The following MCPH1 variants were observed in gnomAD, a reference collection of about 807,000 sequenced individuals.
MCPH1 encodes microcephalin 1, also known as microcephalin.
Under a neutral mutation model 84.5 loss-of-function variants are expected in MCPH1, and 104 were observed. The ratio of observed to expected loss-of-function variants is 1.23; its 90% CI spans 1.05 to 1.45. The LOEUF (loss-of-function observed/expected upper bound fraction) is 1.45. Ranked by LOEUF, MCPH1 falls within the 40% of genes most tolerant of loss-of-function variation. MCPH1 has a pLI of 0.00. For synonymous variants in MCPH1, 514 were observed against 366.8 expected (o/e 1.40, Z -4.58); for missense variants, 1,498 against 1,005.7 (o/e 1.49, Z -6.62).
At chr8:6,487,600 C>G (rs781212537) in intron 11 of MCPH1, among the ~76,000 whole-genome samples, 53 of 152,196 alleles carry the variant, frequency 3.5e-4, no homozygotes, top group Admixed American at 2.4e-3. Flanking sequence ...TAGGAAGAAT[C>G]TTCAGGGACA....
At chr8:6,480,081 G>A (rs938922179) in intron 10 of MCPH1, among the ~76,000 whole-genome samples, 1 of 151,712 alleles carries the variant, frequency 6.6e-6, no homozygotes, top group Non-Finnish European at 1.5e-5. Flanking sequence ...GAAGAGTGTT[G>A]GTCTGATGTC....
intron 3 of MCPH1, 89 bp from the exon 4 acceptor site, chr8:6,431,410 T>TAC: frequency 1.0e-6 from 1 of 955,440 alleles, no homozygotes; most frequent in Non-Finnish European, 1.7e-6. Flanking sequence ...ATGGATTTCT[T>TAC]AAATTGCTAA....
At chr8:6,529,118 A>G (rs916436585) in intron 12 of MCPH1, among the ~76,000 whole-genome samples, 2 of 152,248 alleles carry the variant, frequency 1.3e-5, no homozygotes, top group Admixed American at 1.3e-4. Flanking sequence ...TGATTGGCCC[A>G]GTAGTAATTG....
At chr8:6,502,724 T>C (rs1812434028) in intron 12 of MCPH1, 1 of 217,324 alleles carries the variant, frequency 4.6e-6, no homozygotes, top group Non-Finnish European at 9.1e-6. Context: ...AGAATGCAGT[T>C]CCAAGATGAT....
At chr8:6,513,639 C>G (rs1815649135) in intron 12 of MCPH1, 1 of 1,579,442 alleles carries the variant, frequency 6.3e-7, no homozygotes, top group Admixed American at 1.8e-5. Flanking sequence ...GGCCACAAAT[C>G]TTTTAATTTT....
At chr8:6,592,613 T>TC (rs1828560020) in intron 12 of MCPH1, among the ~76,000 whole-genome samples, 1 of 101,442 alleles carries the variant, frequency 9.9e-6, no homozygotes, top group Non-Finnish European at 1.9e-5. Flanking sequence ...CGTTTTTCTT[T>TC]CTTTTTTTTG....
chr8:6,444,823 G>T lies in MCPH1; in HGVS notation c.1101G>T (p.Pro367=), dbSNP rs201084851. The part of the protein sequence containing the change: ...KRVSHGSHSP[P]KEKCKRKRST... Reference sequence around the variant, plus strand: ...TATCACATGGCTCCCATTCACCTCCGAAGGAAAAATGCAAGAGAAAGAGGA... The same window carrying T: ...TATCACATGGCTCCCATTCACCTCCTAAGGAAAAATGCAAGAGAAAGAGGA... The change falls in exon 8 of 14, where the codon CCG becomes CCT. Residue 367 remains proline, a synonymous_variant. Coordinates refer to ENST00000344683, the MANE Select transcript of MCPH1 (RefSeq NM_024596.5). The T allele has an allele frequency of 1.2e-6, 2 of 1,614,088 alleles. No individual in the cohort carries two copies. The highest frequency in any genetic ancestry group is 1.7e-5 in the Admixed American group (1 of 60,012).
intron 13 of MCPH1, among the ~76,000 whole-genome samples, chr8:6,632,450 C>G (rs756222967): frequency 6.6e-6 from 1 of 152,174 alleles, no homozygotes; most frequent in African/African-American, 2.4e-5. Flanking sequence ...CTATTCACCT[C>G]ATTTTACAAG....
chr8:6,543,680 G>C (rs1379081086), intron 12 of MCPH1, among the ~76,000 whole-genome samples: 1 of 152,060 alleles, frequency 6.6e-6, no homozygotes, highest in Non-Finnish European at 1.5e-5. Context: ...GCTGAAGTTC[G>C]TGCTTTTCTG....
In MCPH1 at chr8:6,588,205, C is replaced by T. The variant is rs1444478359; in HGVS notation, c.2215-33249C>T. Among the ~76,000 whole-genome samples, 3 of 152,160 alleles carry T rather than the reference C, an allele frequency of 2.0e-5. No homozygotes were observed. The East Asian group carries it at 5.8e-4, about 29-fold the overall frequency. On this transcript the variant is annotated intron_variant, in intron 12 of 13. Coordinates refer to ENST00000344683, the MANE Select transcript of MCPH1 (RefSeq NM_024596.5). ...CTGTGCCTCCTGTCCCCTCCACCTTCTCCTAGTCCAGGAAGGGAATAGCAG... is the reference window on the plus strand; with the variant it reads ...CTGTGCCTCCTGTCCCCTCCACCTTTTCCTAGTCCAGGAAGGGAATAGCAG...
At chr8:6,543,108 C>T (rs1326629575) in intron 12 of MCPH1, among the ~76,000 whole-genome samples, 2 of 152,160 alleles carry the variant, frequency 1.3e-5, no homozygotes, top group East Asian at 1.9e-4. Context: ...CGCAACTCCA[C>T]CCCCAGCCAA....
chr8:6,636,792 C>G (rs1051103214), intron 13 of MCPH1, among the ~76,000 whole-genome samples: 3 of 152,122 alleles, frequency 2.0e-5, no homozygotes, highest in Non-Finnish European at 2.9e-5. Context: ...TCCAAAAATG[C>G]CACCCACCAC....
chr8:6,444,312 T>A (rs1465537894), intron 7 of MCPH1, 81 bp from the exon 8 acceptor site: 2 of 1,525,926 alleles, frequency 1.3e-6, no homozygotes, highest in African/African-American at 2.8e-5. Context: ...CTTTAAAAGT[T>A]GTTTTATTGG....
chr8:6,592,396 C>T (rs990254408), intron 12 of MCPH1, among the ~76,000 whole-genome samples: 1 of 152,030 alleles, frequency 6.6e-6, no homozygotes, highest in Non-Finnish European at 1.5e-5. Flanking sequence ...ATCCTCCCAC[C>T]TTGGCCAATT....
intron 10 of MCPH1, among the ~76,000 whole-genome samples, chr8:6,478,993 G>C (rs1446440766): frequency 6.6e-6 from 1 of 152,204 alleles, no homozygotes; most frequent in Non-Finnish European, 1.5e-5. Context: ...GGCTGGGTGT[G>C]TTGGTTCACG....
intron 12 of MCPH1, among the ~76,000 whole-genome samples, chr8:6,545,301 A>G (rs768134074): frequency 3.3e-5 from 5 of 152,192 alleles, no homozygotes; most frequent in Non-Finnish European, 7.3e-5. Context: ...AAAAGTTATC[A>G]AGCTGTAAAT....
rs904388429 is a variant in MCPH1, at chr8:6,621,773, C to T, written c.2452+82C>T. ...CAGGGAGGGCGGCGTCAGGCTCACA[C>T]CCCCTTCCACGCAGCTGGGGCACCT... On this transcript the variant is annotated intron_variant, in intron 13 of 13. Coordinates refer to ENST00000344683, the MANE Select transcript of MCPH1 (RefSeq NM_024596.5). 6 of 1,580,776 alleles carry T rather than the reference C, an allele frequency of 3.8e-6. No individual in the cohort carries two copies. The African/African-American group carries it at 8.1e-5, about 21-fold the overall frequency.
At chr8:6,516,012 C>T (rs1221869656) in intron 12 of MCPH1, among the ~76,000 whole-genome samples, 1 of 152,194 alleles carries the variant, frequency 6.6e-6, no homozygotes, top group African/African-American at 2.4e-5. Context: ...ACAGCCTGGT[C>T]TGCAGGGGAC....
intron 11 of MCPH1, among the ~76,000 whole-genome samples, chr8:6,498,801 C>T (rs1316966279): frequency 1.3e-5 from 2 of 152,094 alleles, no homozygotes; most frequent in Non-Finnish European, 2.9e-5. Flanking sequence ...CCTTAAATAA[C>T]ATGCATTGAG....
Sources: allele counts gnomAD v4.1 joint callset (sites outside exome capture counted in the v4.1 genomes callset), GRCh38; gene constraint gnomAD v4.1.1; transcripts MANE v1.5; gene names NCBI Gene and HGNC (gene_info 2026-07-23, HGNC 2026-07-21).